MACROD2: variants seen among roughly 807,000 people sequenced by gnomAD.
MACROD2 encodes the protein mono-ADP ribosylhydrolase 2, also known as ADP-ribose glycohydrolase MACROD2.
In MACROD2, 36 loss-of-function variants were observed where a neutral mutation model predicts 70.4. That is an observed-to-expected ratio of 0.51 (90% CI 0.39 to 0.68). The LOEUF is 0.68. MACROD2 is among the 30% of genes least tolerant of loss of function. The pLI, the probability that MACROD2 is intolerant of heterozygous loss-of-function variation, is 0.00. For synonymous variants in MACROD2, 172 were observed against 178.8 expected (o/e 0.96, Z 0.30); for missense variants, 496 against 538.4 (o/e 0.92, Z 0.78).
intron 4 of MACROD2, among the ~76,000 whole-genome samples, chr20:14,671,682 GCCCAAATCT>G (rs2070796678): frequency 6.6e-6 from 1 of 152,118 alleles, no homozygotes; most frequent in African/African-American, 2.4e-5. Flanking sequence ...TAGGATCACG[GCCCAAATCT>G]CATCTTCAAA....
chr20:14,271,376 A>G (rs199741980), intron 3 of MACROD2, among the ~76,000 whole-genome samples: 1 of 152,202 alleles, frequency 6.6e-6, no homozygotes, highest in African/African-American at 2.4e-5. Flanking sequence ...TGATACCCAG[A>G]CAAACAGGGT....
intron 5 of MACROD2, among the ~76,000 whole-genome samples, chr20:15,084,594 T>G (rs1302540735): frequency 6.6e-6 from 1 of 152,210 alleles, no homozygotes; most frequent in Non-Finnish European, 1.5e-5. Context: ...CTGCTAACAG[T>G]GACTCTTTCT....
intron 15 of MACROD2, among the ~76,000 whole-genome samples, chr20:16,014,762 T>G (rs2066908146): frequency 2.0e-5 from 3 of 152,200 alleles, no homozygotes; most frequent in Non-Finnish European, 4.4e-5. Flanking sequence ...AGGGCAAGTA[T>G]TCCTTTGGCC....
chr20:14,542,734 T>C (rs1443920949), intron 4 of MACROD2, among the ~76,000 whole-genome samples: 1 of 152,202 alleles, frequency 6.6e-6, no homozygotes, highest in Non-Finnish European at 1.5e-5. Flanking sequence ...AGAAGCACAA[T>C]AGAATAGTCA....
chr20:14,221,216 T>A (rs1372685101), intron 3 of MACROD2, among the ~76,000 whole-genome samples: 1 of 152,328 alleles, frequency 6.6e-6, no homozygotes, highest in East Asian at 1.9e-4. Flanking sequence ...AATTTACTTA[T>A]CTTGGGGTAT....
At chr20:14,211,574 A>G (rs1023732879) in intron 3 of MACROD2, among the ~76,000 whole-genome samples, 3 of 152,154 alleles carry the variant, frequency 2.0e-5, no homozygotes, top group Non-Finnish European at 2.9e-5. Context: ...CAGGAGTCTG[A>G]TAGTATAGAT....
intron 2 of MACROD2, among the ~76,000 whole-genome samples, chr20:14,014,444 C>T (rs867478419): frequency 5.3e-5 from 8 of 152,182 alleles, no homozygotes; most frequent in Admixed American, 3.3e-4. Flanking sequence ...TGATTTGGAA[C>T]CAGGTTGAGG....
chr20:15,549,568 A>C (rs922650630), intron 8 of MACROD2, among the ~76,000 whole-genome samples: 1 of 152,218 alleles, frequency 6.6e-6, no homozygotes, highest in Non-Finnish European at 1.5e-5. Context: ...TGGATAATGT[A>C]TAATTCAACA....
chr20:14,480,166 C>A (rs1272218112), intron 3 of MACROD2, among the ~76,000 whole-genome samples: 1 of 152,180 alleles, frequency 6.6e-6, no homozygotes, highest in Non-Finnish European at 1.5e-5. Context: ...GCCACCACAC[C>A]TGGCCTATAG....
Position 16,035,190 on chromosome 20 carries a change from TAA to T in MACROD2, c.1154-6008_1154-6007del, listed in dbSNP as rs1568726228. Among the ~76,000 whole-genome samples the T allele has an allele frequency of 1.0e-4, 13 of 128,098 alleles. No individual in the cohort carries two copies. The East Asian group carries it at 1.6e-3, about 15-fold the overall frequency. The allele number at this position is 128,098 out of a possible 152,430, so 84.0% of individuals were successfully genotyped here. A position where few individuals can be genotyped will look rare whatever the true frequency, so the allele number is the denominator to read the frequency against. ...AATATAAAATATTATATATTATATA[TAA>T]AATATAATATAAAATATTATATATT... On this transcript the variant is annotated intron_variant, in intron 15 of 17. Transcript: ENST00000684519.
At chr20:15,709,718 T>A (rs2050596263) in intron 8 of MACROD2, among the ~76,000 whole-genome samples, 1 of 152,174 alleles carries the variant, frequency 6.6e-6, no homozygotes, top group African/African-American at 2.4e-5. Flanking sequence ...GTACAGAGTT[T>A]TAATACATAC....
chr20:14,962,876 G>GA (rs11478299), intron 5 of MACROD2, among the ~76,000 whole-genome samples: 21 of 151,394 alleles, frequency 1.4e-4, no homozygotes, highest in Middle Eastern at 3.4e-3. Context: ...GTTGTTTGGG[G>GA]AAAAAAAACT....
At chr20:15,631,710 C>T (rs2049293747) in intron 8 of MACROD2, among the ~76,000 whole-genome samples, 2 of 152,180 alleles carry the variant, frequency 1.3e-5, no homozygotes. Context: ...CTGGAAAAGG[C>T]TGTAGAGCAC....
intron 5 of MACROD2, among the ~76,000 whole-genome samples, chr20:14,828,681 T>G (rs1271843861): frequency 1.3e-5 from 2 of 151,594 alleles, no homozygotes; most frequent in South Asian, 4.2e-4. Context: ...GGATGGAGAG[T>G]CAGGAAAAGC....
At chr20:15,812,422 A>T (rs1652076736) in intron 8 of MACROD2, among the ~76,000 whole-genome samples, 1 of 152,202 alleles carries the variant, frequency 6.6e-6, no homozygotes, top group Non-Finnish European at 1.5e-5. Context: ...ATAAACTGAC[A>T]TGCTCCACAG....
chr20:15,528,405 G>C (rs1180972363), intron 8 of MACROD2, among the ~76,000 whole-genome samples: 1 of 152,330 alleles, frequency 6.6e-6, no homozygotes. Flanking sequence ...ACAGGCATGA[G>C]CCACTGCGCC....
intron 6 of MACROD2, among the ~76,000 whole-genome samples, chr20:15,292,396 T>C (rs2077548563): frequency 6.6e-6 from 1 of 152,194 alleles, no homozygotes; most frequent in African/African-American, 2.4e-5. Context: ...AGTAAAAAAT[T>C]GTTGCACCTA....
At chr20:15,791,153 T>C (rs1323536025) in intron 8 of MACROD2, among the ~76,000 whole-genome samples, 2 of 152,026 alleles carry the variant, frequency 1.3e-5, no homozygotes, top group African/African-American at 4.8e-5. Flanking sequence ...TTAGTCATTC[T>C]TCTCAATTCT....
chr20:15,372,510 G>A (rs1159001949), intron 6 of MACROD2, among the ~76,000 whole-genome samples: 2 of 152,186 alleles, frequency 1.3e-5, no homozygotes, highest in South Asian at 4.1e-4. Context: ...TTCTTTCTGT[G>A]AATTGCCTTT....
Sources: allele counts gnomAD v4.1 joint callset (sites outside exome capture counted in the v4.1 genomes callset), GRCh38; gene constraint gnomAD v4.1.1; transcripts MANE v1.5; gene names NCBI Gene and HGNC (gene_info 2026-07-23, HGNC 2026-07-21).